The following KHDRBS2 variants were observed in gnomAD, a reference collection of about 807,000 sequenced individuals.
KHDRBS2 encodes KH RNA binding domain containing, signal transduction associated 2.
KHDRBS2 carries 26 observed loss-of-function variants against 44.3 expected under a neutral mutation model. The observed-to-expected ratio is 0.59, with a 90% confidence interval of 0.43 to 0.81. KHDRBS2 has a LOEUF of 0.81. Among genes scored for constraint, KHDRBS2 ranks in the 40% least tolerant of loss-of-function variants. The probability of loss-of-function intolerance (pLI) is 0.00; values close to 1 mark genes in which losing one functional copy is unlikely to be tolerated. For synonymous variants in KHDRBS2, 194 were observed against 151.1 expected, an observed-to-expected ratio of 1.28 and a Z score of -2.08; for missense variants, 476 against 433.1, an observed-to-expected ratio of 1.10 and a Z score of -0.88.
At chr6:61,575,422 G>C in the KHDRBS2 span, among the ~76,000 whole-genome samples, 1 of 152,110 alleles carries the variant, frequency 6.6e-6, no homozygotes, top group East Asian at 1.9e-4. Context: ...CCTTACTCCT[G>C]CAAGAATAGC....
intron 6 of KHDRBS2, among the ~76,000 whole-genome samples, chr6:61,867,157 T>G (rs521466): frequency 1.3e-5 from 2 of 151,974 alleles, no homozygotes; most frequent in East Asian, 3.9e-4. Flanking sequence ...AAGACTGGGA[T>G]GAAAAATAGG....
chr6:62,190,467 AT>A (rs1471969082), intron 1 of KHDRBS2, among the ~76,000 whole-genome samples: 1 of 151,526 alleles, frequency 6.6e-6, no homozygotes, highest in Non-Finnish European at 1.5e-5. Context: ...ACCAAATAAC[AT>A]TTTCCCCTTT....
chr6:62,072,121 C>A (rs1293225064), intron 2 of KHDRBS2, among the ~76,000 whole-genome samples: 2 of 152,120 alleles, frequency 1.3e-5, no homozygotes, highest in Non-Finnish European at 2.9e-5. Flanking sequence ...TGGGAGTTCA[C>A]TCATGATTTG....
intron 6 of KHDRBS2, among the ~76,000 whole-genome samples, chr6:61,886,819 G>T (rs1364742433): frequency 6.6e-6 from 1 of 152,044 alleles, no homozygotes; most frequent in African/African-American, 2.4e-5. Flanking sequence ...CCCACTAGAT[G>T]GCATCCTTTT....
intron 3 of KHDRBS2, among the ~76,000 whole-genome samples, chr6:62,035,204 G>A (rs1785058801): frequency 6.6e-6 from 1 of 151,956 alleles, no homozygotes; most frequent in African/African-American, 2.4e-5. Context: ...GTTAGATACA[G>A]CATGGCTCAC....
chr6:62,054,194 A>G (rs1023737751), intron 2 of KHDRBS2, among the ~76,000 whole-genome samples: 2 of 152,096 alleles, frequency 1.3e-5, no homozygotes, highest in African/African-American at 4.8e-5. Context: ...TTGTTTAAAA[A>G]AGTGAAAGTC....
intron 6 of KHDRBS2, among the ~76,000 whole-genome samples, chr6:61,846,911 G>T (rs1323016032): frequency 1.3e-5 from 2 of 151,896 alleles, no homozygotes; most frequent in East Asian, 3.9e-4. Flanking sequence ...TAGAAAAAAA[G>T]ATGCTATTTT....
chr6:61,843,813 G>A (rs772364756), intron 6 of KHDRBS2, among the ~76,000 whole-genome samples: 1 of 151,704 alleles, frequency 6.6e-6, no homozygotes, highest in Non-Finnish European at 1.5e-5. Context: ...AACCACTATT[G>A]TGCATTTTTA....
At chr6:61,741,481 T>A (rs1255416717) in intron 6 of KHDRBS2, among the ~76,000 whole-genome samples, 3 of 151,946 alleles carry the variant, frequency 2.0e-5, no homozygotes, top group Non-Finnish European at 4.4e-5. Flanking sequence ...TAATTTCAAC[T>A]TTTATTCTAG....
chr6:62,271,802 A>G (rs1840133240), intron 1 of KHDRBS2, among the ~76,000 whole-genome samples: 1 of 152,128 alleles, frequency 6.6e-6, no homozygotes, highest in African/African-American at 2.4e-5. Flanking sequence ...GATATTGTTT[A>G]GCTAATTGCA....
chr6:61,891,375 GA>G (rs1377861971), intron 6 of KHDRBS2, among the ~76,000 whole-genome samples: 1 of 152,176 alleles, frequency 6.6e-6, no homozygotes, highest in Non-Finnish European at 1.5e-5. Context: ...GTTCATCAGG[GA>G]TATTGGTCTA....
chr6:61,601,583 C>G, the KHDRBS2 span, among the ~76,000 whole-genome samples: 1 of 152,206 alleles, frequency 6.6e-6, no homozygotes, highest in South Asian at 2.1e-4. Context: ...CATTATTTTA[C>G]ACATCGGTAC....
At chr6:61,635,779 T>C in the KHDRBS2 span, among the ~76,000 whole-genome samples, 1 of 152,058 alleles carries the variant, frequency 6.6e-6, no homozygotes, top group Non-Finnish European at 1.5e-5. Context: ...AAAATCATTA[T>C]TAAAAAGCCT....
intron 4 of KHDRBS2, among the ~76,000 whole-genome samples, chr6:61,906,006 C>T (rs933712388): frequency 2.6e-4 from 40 of 151,724 alleles, no homozygotes; most frequent in Non-Finnish European, 4.6e-4. Flanking sequence ...CACCACCACG[C>T]CTGGGTAATT....
chr6:61,543,189 G>A, the KHDRBS2 span, among the ~76,000 whole-genome samples: 1 of 151,988 alleles, frequency 6.6e-6, no homozygotes, highest in East Asian at 1.9e-4. Flanking sequence ...CAAAGAATGG[G>A]AGAAAATATT....
At chr6:62,149,952 T>G (rs1814766687) in intron 2 of KHDRBS2, among the ~76,000 whole-genome samples, 1 of 152,158 alleles carries the variant, frequency 6.6e-6, no homozygotes. Flanking sequence ...TTTTCATGTG[T>G]GAAGTTTTAA....
intron 3 of KHDRBS2, among the ~76,000 whole-genome samples, chr6:62,046,201 G>A (rs1016054092): frequency 6.6e-6 from 1 of 151,718 alleles, no homozygotes; most frequent in Non-Finnish European, 1.5e-5. Context: ...GTTTCCTATT[G>A]GATTTTCCAA....
At chr6:61,849,072 G>T (rs534529908) in intron 6 of KHDRBS2, among the ~76,000 whole-genome samples, 2 of 152,016 alleles carry the variant, frequency 1.3e-5, no homozygotes, top group South Asian at 4.1e-4. Flanking sequence ...TCCTGAGTTT[G>T]CTTGTTAACA....
At chr6:61,606,706 A>G in the KHDRBS2 span, among the ~76,000 whole-genome samples, 1 of 152,294 alleles carries the variant, frequency 6.6e-6, no homozygotes, top group African/African-American at 2.4e-5. Flanking sequence ...AGCCCTCAGA[A>G]AGAATAGTTG....
Sources: allele counts gnomAD v4.1 joint callset (sites outside exome capture counted in the v4.1 genomes callset), GRCh38; gene constraint gnomAD v4.1.1; transcripts MANE v1.5; gene names NCBI Gene and HGNC (gene_info 2026-07-23, HGNC 2026-07-21).